The following DCDC2C variants were observed in gnomAD, a reference collection of about 807,000 sequenced individuals.
The protein encoded by DCDC2C is doublecortin domain containing 2C, also known as doublecortin domain-containing protein 2C.
DCDC2C carries 44 observed loss-of-function variants against 45.0 expected under a neutral mutation model. The ratio of observed to expected loss-of-function variants is 0.98; its 90% confidence interval spans 0.77 to 1.26. The LOEUF is 1.26. Ranked by LOEUF, DCDC2C falls within the 50% of genes most tolerant of loss-of-function variation. The pLI is 0.00. For synonymous variants in DCDC2C, 187 were observed against 178.8 expected (o/e 1.05, Z -0.37); for missense variants, 447 against 468.9 (o/e 0.95, Z 0.43).
chr2:3,723,288 C>T (rs1668545513), intron 2 of DCDC2C, among the ~76,000 whole-genome samples: 1 of 152,178 alleles, frequency 6.6e-6, no homozygotes, highest in African/African-American at 2.4e-5. Flanking sequence ...AATACACAAA[C>T]AAGAAAGCAG....
chr2:3,751,521 T>A (rs1669542148), intron 4 of DCDC2C, among the ~76,000 whole-genome samples: 1 of 152,180 alleles, frequency 6.6e-6, no homozygotes, highest in South Asian at 2.1e-4. Flanking sequence ...AGCAGCAGCT[T>A]GTCAGCCAGG....
At chr2:3,767,061 G>A (rs190017459) in intron 6 of DCDC2C, among the ~76,000 whole-genome samples, 73 of 152,370 alleles carry the variant, frequency 4.8e-4, no homozygotes, top group Admixed American at 9.8e-4. Flanking sequence ...TGTTGCGAGC[G>A]TGTTTAAGGT....
intron 10 of DCDC2C, among the ~76,000 whole-genome samples, chr2:3,815,597 C>G (rs1572637764): frequency 6.6e-6 from 1 of 152,324 alleles, no homozygotes; most frequent in Middle Eastern, 3.4e-3. Context: ...TTTGTGTGAG[C>G]AACAAGGCTG....
chr2:3,770,482 T>C (rs1221214857), intron 8 of DCDC2C, among the ~76,000 whole-genome samples: 1 of 152,244 alleles, frequency 6.6e-6, no homozygotes, highest in Non-Finnish European at 1.5e-5. Flanking sequence ...ATGAGTCCTG[T>C]CATATTTTCT....
chr2:3,738,434 G>T lies in DCDC2C; in HGVS notation c.417-3486G>T, dbSNP rs554710723. On this transcript the variant is annotated intron_variant, in intron 3 of 10. Transcript: ENST00000399143. ...GAGAGTTGAGGAGAATTCAAAGTGTGAAGAAAGAGGAGAGATAGTGAAATT... is the reference window on the plus strand; with the variant it reads ...GAGAGTTGAGGAGAATTCAAAGTGTTAAGAAAGAGGAGAGATAGTGAAATT... Among the ~76,000 whole-genome samples, 15 of 147,184 alleles carry T rather than the reference G, an allele frequency of 1.0e-4. No homozygotes were observed. The South Asian group carries it at 3.2e-3, about 32-fold the overall frequency.
chr2:3,752,213 A>T (rs1669562564), intron 4 of DCDC2C, among the ~76,000 whole-genome samples: 1 of 152,060 alleles, frequency 6.6e-6, no homozygotes, highest in East Asian at 1.9e-4. Context: ...TCTTTTGCTT[A>T]TTTTTATCTA....
At chr2:3,768,269 A>G (rs1670067494) in intron 7 of DCDC2C, among the ~76,000 whole-genome samples, 1 of 152,190 alleles carries the variant, frequency 6.6e-6, no homozygotes, top group South Asian at 2.1e-4. Context: ...TATAAGAAAC[A>G]TTTAAAAGAT....
chr2:3,827,898 G>C (rs1260555649), intron 10 of DCDC2C, among the ~76,000 whole-genome samples: 3 of 152,174 alleles, frequency 2.0e-5, no homozygotes, highest in Non-Finnish European at 2.9e-5. Context: ...GTTTTAGAAT[G>C]TGGGTCTCTT....
chr2:3,833,900 G>T, intron 10 of DCDC2C, among the ~76,000 whole-genome samples: 1 of 152,178 alleles, frequency 6.6e-6, no homozygotes, highest in South Asian at 2.1e-4. Context: ...GAGATAAGTA[G>T]CAGTCTTCTC....
intron 3 of DCDC2C, among the ~76,000 whole-genome samples, chr2:3,728,936 T>C (rs1475345464): frequency 6.6e-6 from 1 of 152,148 alleles, no homozygotes; most frequent in African/African-American, 2.4e-5. Flanking sequence ...TGGAAGTCAC[T>C]GATTTGGAGG....
intron 10 of DCDC2C, among the ~76,000 whole-genome samples, chr2:3,846,235 T>G (rs1418798472): frequency 1.3e-5 from 2 of 150,336 alleles, no homozygotes; most frequent in Admixed American, 1.3e-4. Context: ...TCTTCTCTCC[T>G]CCCCACTCTT....
At chr2:3,780,266 G>A (rs1430189437) in intron 9 of DCDC2C, among the ~76,000 whole-genome samples, 3 of 152,126 alleles carry the variant, frequency 2.0e-5, no homozygotes, top group African/African-American at 4.8e-5. Context: ...AGGAGAGGGT[G>A]CTCTTATGTG....
chr2:3,831,324 G>A (rs567201105), intron 10 of DCDC2C, among the ~76,000 whole-genome samples: 3 of 152,310 alleles, frequency 2.0e-5, no homozygotes, highest in African/African-American at 4.8e-5. Flanking sequence ...TTGTGCAAAC[G>A]TCAGAGAGCG....
rs1365356334 is a variant in DCDC2C at position 3,704,011 on chromosome 2, C to A, written c.260C>A (p.Ala87Glu). ...ALQAGGKYVAAGRERFKELDY... is the reference protein window; with the variant it reads ...ALQAGGKYVAEGRERFKELDY... Reference sequence around the variant, plus strand: ...CAGGCGGGCGGCAAGTACGTGGCGGCGGGCCGCGAGCGCTTCAAGGAGCTC... The same window carrying A: ...CAGGCGGGCGGCAAGTACGTGGCGGAGGGCCGCGAGCGCTTCAAGGAGCTC... The change falls in exon 1 of 11, where the codon GCG becomes GAG. Residue 87 changes from alanine (A) to glutamate (E), a missense_variant. Physicochemically the swap from Ala to Glu is moderately radical, Grantham distance 107. Coordinates refer to ENST00000399143, the MANE Select transcript of DCDC2C (RefSeq NM_001287444.2). The A allele has an allele frequency of 3.9e-6, 5 of 1,284,688 alleles. No individual in the cohort carries two copies. The highest frequency in any genetic ancestry group is 1.5e-5 in the African/African-American group (1 of 64,582). The allele number at this position is 1,284,688 out of a possible 1,614,324, so 79.6% of individuals were successfully genotyped here.
chr2:3,759,165 T>C (rs1289662974), intron 6 of DCDC2C, among the ~76,000 whole-genome samples: 1 of 152,210 alleles, frequency 6.6e-6, no homozygotes, highest in East Asian at 1.9e-4. Context: ...CCACGCTGCA[T>C]GCAGAAGCAC....
At chr2:3,766,267 T>C (rs2148148828) in intron 6 of DCDC2C, among the ~76,000 whole-genome samples, 1 of 151,474 alleles carries the variant, frequency 6.6e-6, no homozygotes, top group South Asian at 2.1e-4. Flanking sequence ...CCAGAGATAA[T>C]AGGACACCAC....
At position 3,769,325 on chromosome 2, in the gene DCDC2C, A is replaced by G. The variant is rs1670098534; in HGVS notation, c.868A>G (p.Lys290Glu). 8 of 1,550,508 alleles carry G rather than the reference A, an allele frequency of 5.2e-6. No homozygotes were observed. Among genetic ancestry groups the G allele is most frequent in the Non-Finnish European group, 7.0e-6 (8 of 1,146,894 alleles). ...VQRGAEGDVY[K>E]APTPSKETQG... ...TTTTCTCCCAGAAGGTGACGTGTATAAAGCACCGACTCCTAGCAAGGAAAC... is the reference window on the plus strand; with the variant it reads ...TTTTCTCCCAGAAGGTGACGTGTATGAAGCACCGACTCCTAGCAAGGAAAC... The change falls in exon 8 of 11, where the codon AAA becomes GAA. Residue 290 changes from lysine to glutamate, a missense_variant. Physicochemically the swap from Lys to Glu is moderately conservative, Grantham distance 56. Coordinates refer to ENST00000399143, the MANE Select transcript of DCDC2C (RefSeq NM_001287444.2).
chr2:3,734,869 C>A lies in DCDC2C; in HGVS notation c.417-7051C>A, dbSNP rs925261167. Among the ~76,000 whole-genome samples the A allele has an allele frequency of 6.6e-6, 1 of 152,154 alleles. No homozygotes were observed. The highest frequency in any genetic ancestry group is 1.5e-5 in the Non-Finnish European group (1 of 68,038). ...GTGGGGGTGAAAGTACAGAGCCCTT[C>A]AGGTTCATGAAAGTGTCTTTAGATA... On this transcript the variant is annotated intron_variant, in intron 3 of 10. Transcript: ENST00000399143. The surrounding 1 kb of genome is among the most constrained non-coding windows in gnomAD (Gnocchi z 4.2).
chr2:3,807,848 C>A (rs1176748010), intron 10 of DCDC2C, among the ~76,000 whole-genome samples: 2 of 152,168 alleles, frequency 1.3e-5, no homozygotes, highest in Non-Finnish European at 2.9e-5. Flanking sequence ...CTCTGTCACT[C>A]ACTGTGGTTC....
Sources: gnomAD v4.1 joint callset for allele counts (sites outside exome capture counted in the v4.1 genomes callset) on GRCh38, gnomAD v4.1.1 for gene constraint, Gnocchi (gnomAD v3.1) non-coding constraint, MANE v1.5 for transcripts, NCBI Gene and HGNC (gene_info 2026-07-23, HGNC 2026-07-21) for gene names.